Variants in S100Z observed in about 807,000 individuals in gnomAD.
S100Z encodes the protein S100 calcium binding protein Z, also known as protein S100-Z.
S100Z carries 11 observed loss-of-function variants against 8.5 expected under a neutral mutation model. The ratio of observed to expected loss-of-function variants is 1.30; its 90% confidence interval spans 0.82 to 2.15. S100Z has a LOEUF of 2.15. Ranked by LOEUF, S100Z falls within the 30% of genes most tolerant of loss-of-function variation. S100Z has a pLI of 0.00. For missense variants in S100Z, 126 were observed against 117.9 expected (o/e 1.07, Z -0.32); for synonymous variants, 34 against 43.8 (o/e 0.78, Z 0.89).
At chr5:76,936,409 A>G in the S100Z span, among the ~76,000 whole-genome samples, 1 of 152,154 alleles carries the variant, frequency 6.6e-6, no homozygotes, top group Non-Finnish European at 1.5e-5. Flanking sequence ...CAAAACGTTA[A>G]CCATGGTTAT....
chr5:76,930,441 A>C, the S100Z span, among the ~76,000 whole-genome samples: 1 of 152,230 alleles, frequency 6.6e-6, no homozygotes, highest in African/African-American at 2.4e-5. Context: ...TTAGGTCTCA[A>C]GCACATAAAA....
At chr5:76,923,863 A>T (rs1048760406), downstream of S100Z, among the ~76,000 whole-genome samples, 1 of 152,172 alleles carries the variant, frequency 6.6e-6, no homozygotes, top group Non-Finnish European at 1.5e-5. Context: ...GACACTCCAA[A>T]ATATGGCACT....
chr5:76,877,664 C>T lies in S100Z; in HGVS notation c.142-10C>T, dbSNP rs770718219. Reference sequence around the variant, plus strand: ...AGCCAGGGAGTTAGAAATTTCCTTTCTCATTTTAGTGCCAAAAGGAAACCC... The same window carrying T: ...AGCCAGGGAGTTAGAAATTTCCTTTTTCATTTTAGTGCCAAAAGGAAACCC... On this transcript the variant is annotated splice_polypyrimidine_tract_variant and intron_variant, in intron 3 of 4. Coordinates refer to ENST00000317593, the MANE Select transcript of S100Z (RefSeq NM_130772.4). The T allele has an allele frequency of 4.4e-6, 7 of 1,576,026 alleles. No individual in the cohort carries two copies. In the African/African-American group the frequency reaches 8.1e-5, roughly 18 times the overall value.
intron 1 of S100Z, among the ~76,000 whole-genome samples, chr5:76,864,386 A>ATTTTTTTTTTTTTTTTTTTTTT: frequency 1.4e-5 from 1 of 72,174 alleles, no homozygotes; most frequent in Non-Finnish European, 2.5e-5. Context: ...TGCATACTAT[A>ATTTTTTTTTTTTTTTTTTTTTT]TTTTTTTTTT....
chr5:76,919,069 A>G (rs1744949487), intron 4 of S100Z, among the ~76,000 whole-genome samples: 1 of 152,206 alleles, frequency 6.6e-6, no homozygotes, highest in Non-Finnish European at 1.5e-5. Flanking sequence ...GATATTCCAC[A>G]GTTCATTTAT....
intron 1 of S100Z, among the ~76,000 whole-genome samples, 192 bp downstream of exon 1, chr5:76,850,347 A>AGG (rs1750690211): frequency 2.0e-5 from 3 of 146,650 alleles, no homozygotes; most frequent in Non-Finnish European, 3.0e-5. Context: ...AGAGAGAGAG[A>AGG]GAGAGAGAGA....
chr5:76,857,284 C>T (rs2150620940), intron 1 of S100Z, among the ~76,000 whole-genome samples: 1 of 151,770 alleles, frequency 6.6e-6, no homozygotes. Flanking sequence ...AGGCAAGACT[C>T]CATCTCAAAA....
chr5:76,865,905 C>A (rs1395492826), intron 1 of S100Z, among the ~76,000 whole-genome samples: 1 of 150,934 alleles, frequency 6.6e-6, no homozygotes, highest in Admixed American at 6.6e-5. Context: ...ATCCCAGCTA[C>A]TCAGGAGGCT....
chr5:76,892,589 C>A (rs1017863359), intron 4 of S100Z, among the ~76,000 whole-genome samples: 1 of 151,812 alleles, frequency 6.6e-6, no homozygotes, highest in African/African-American at 2.4e-5. Flanking sequence ...GTGCTTTTTT[C>A]CAAAGAGGGT....
chr5:76,855,652 AT>A (rs1265290707), intron 1 of S100Z, among the ~76,000 whole-genome samples: 9 of 152,070 alleles, frequency 5.9e-5, no homozygotes, highest in Admixed American at 5.9e-4. Flanking sequence ...ACTTGTTTTG[AT>A]TTTACAGGCT....
chr5:76,860,019 T>A (rs925955779), intron 1 of S100Z, among the ~76,000 whole-genome samples: 1 of 152,152 alleles, frequency 6.6e-6, no homozygotes, highest in Non-Finnish European at 1.5e-5. Context: ...TTCAACCAGC[T>A]TGGCAGAAAT....
the S100Z span, among the ~76,000 whole-genome samples, chr5:76,931,596 CT>C: frequency 6.6e-6 from 1 of 152,154 alleles, no homozygotes; most frequent in Non-Finnish European, 1.5e-5. Context: ...AGGAGGTGTC[CT>C]TACCTTCAGC....
intron 2 of S100Z, 65 bp from the exon 3 acceptor site, chr5:76,875,237 CGG>C: frequency 4.5e-6 from 4 of 882,776 alleles, no homozygotes; most frequent in Non-Finnish European, 6.7e-6. Context: ...CGAGCTGACT[CGG>C]GGGATTGTAA....
Position 76,877,722 on chromosome 5 carries a change from G to A in S100Z, c.190G>A (p.Ala64Thr). The A allele has an allele frequency of 6.2e-7, 1 of 1,612,200 alleles. No homozygotes were observed. The highest frequency in any genetic ancestry group is 8.5e-7 in the Non-Finnish European group (1 of 1,178,264). ...LVDKIVQDLD[A>T]NKDNEVDFNE... The stretch of plus-strand genomic sequence containing the variant: ...TGATAAGATAGTGCAGGACCTGGAT[G>A]CCAATAAGGACAACGAAGTGGATTT... Residue 64 changes from alanine (A) to threonine (T), a missense_variant, in exon 4 of 5, where the codon GCC becomes ACC. Coordinates refer to ENST00000317593, the MANE Select transcript of S100Z (RefSeq NM_130772.4).
chr5:76,877,808 A>T lies in S100Z; in HGVS notation c.276A>T (p.Glu92Asp). Residue 92 changes from glutamate to aspartate, a missense_variant, in exon 4 of 5, where the codon GAA (glutamate) becomes GAT (aspartate). Glu to Asp is a conservative substitution (Grantham distance 45). Coordinates refer to ENST00000317593, the MANE Select transcript of S100Z (RefSeq NM_130772.4). ...TTGCTTGTAATGATTACTTTGTAGA[A>T]CAATTGAAGAAGAAAGGAAAATAAA... The part of the protein sequence containing the change: ...LTVACNDYFV[E>D]QLKKKGK 1 of 1,613,244 alleles carries T rather than the reference A, an allele frequency of 6.2e-7. No homozygotes were observed. The highest frequency in any genetic ancestry group is 1.3e-5 in the African/African-American group (1 of 75,050).
chr5:76,932,288 A>C, the S100Z span, among the ~76,000 whole-genome samples: 1 of 152,194 alleles, frequency 6.6e-6, no homozygotes, highest in Admixed American at 6.5e-5. Flanking sequence ...CATTTTGCAG[A>C]GCTTTCTCCT....
At chr5:76,923,045 A>G (rs1183048530), downstream of S100Z, among the ~76,000 whole-genome samples, 4 of 152,026 alleles carry the variant, frequency 2.6e-5, no homozygotes, top group African/African-American at 9.7e-5. Context: ...CTAAAAAAAC[A>G]CAATACCATA....
At chr5:76,897,451 T>A (rs7713530) in intron 4 of S100Z, among the ~76,000 whole-genome samples, 9,798 of 145,364 alleles carry the variant, frequency 0.067, 812 homozygotes, top group African/African-American at 0.21. Flanking sequence ...TCAAAAAAAA[T>A]AATAATAATA....
intron 4 of S100Z, among the ~76,000 whole-genome samples, chr5:76,887,052 G>C (rs1743669471): frequency 6.6e-6 from 1 of 151,952 alleles, no homozygotes; most frequent in African/African-American, 2.4e-5. Context: ...ACACTGACAG[G>C]AGTTGGGTTT....
Sources: allele counts gnomAD v4.1 joint callset (sites outside exome capture counted in the v4.1 genomes callset), GRCh38; gene constraint gnomAD v4.1.1; transcripts MANE v1.5; gene names NCBI Gene and HGNC (gene_info 2026-07-23, HGNC 2026-07-21).